APMAP: variants seen among roughly 807,000 people sequenced by gnomAD.
APMAP encodes adipocyte plasma membrane associated protein, also known as adipocyte plasma membrane-associated protein.
In APMAP, 33 loss-of-function variants were observed where a neutral mutation model predicts 43.6. That is an observed-to-expected ratio of 0.76 (90% confidence interval 0.57 to 1.01). The LOEUF is 1.01. Among genes scored for constraint, APMAP ranks in the 50% least tolerant of loss-of-function variants. The pLI, the probability that APMAP is intolerant of heterozygous loss-of-function variation, is 0.00. For missense variants in APMAP, 498 were observed against 540.7 expected (o/e 0.92, Z 0.78); for synonymous variants, 224 against 216.7 (o/e 1.03, Z -0.30).
In APMAP at chr20:24,974,388, T is replaced by C. The variant is rs376605660; in HGVS notation, c.329-651A>G. 32 of 152,168 alleles carry C rather than the reference T, an allele frequency of 2.1e-4. No individual in the cohort carries two copies. In the East Asian group the frequency reaches 5.2e-3, roughly 25 times the overall value. The allele number at this position is 152,168 out of a possible 1,614,324, so 9.4% of individuals were successfully genotyped here. On this transcript the variant is annotated intron_variant, in intron 3 of 8. Transcript: ENST00000217456. ...AAATGGAATCATATAAAATACTCAG[T>C]TTAAAACTACAAAAGACAAAAAGAG...
chr20:24,979,023 A>C (rs1221467432), intron 2 of APMAP, 141 bp from the exon 3 acceptor site: 2 of 645,488 alleles, frequency 3.1e-6, no homozygotes, highest in Non-Finnish European at 5.5e-6. Context: ...AAGGGTTAAG[A>C]AAAAACTGTT....
intron 3 of APMAP, among the ~76,000 whole-genome samples, chr20:24,974,463 A>G (rs373871501): frequency 5.9e-5 from 9 of 152,258 alleles, no homozygotes; most frequent in African/African-American, 2.2e-4. Context: ...AATAGAAAAC[A>G]GTAACAAATA....
At chr20:24,966,377 G>A (rs910891741) in intron 8 of APMAP, among the ~76,000 whole-genome samples, 3 of 152,134 alleles carry the variant, frequency 2.0e-5, no homozygotes, top group East Asian at 1.9e-4. Flanking sequence ...ACCTCTCTGC[G>A]AGCAACTCAG....
At chr20:24,985,794 A>G (rs1444773215) in intron 1 of APMAP, among the ~76,000 whole-genome samples, 1 of 152,100 alleles carries the variant, frequency 6.6e-6, no homozygotes, top group East Asian at 1.9e-4. Flanking sequence ...AAAAGACTCT[A>G]CTTGTGAGGT....
intron 2 of APMAP, among the ~76,000 whole-genome samples, chr20:24,981,418 T>C (rs962115710): frequency 6.6e-6 from 1 of 152,230 alleles, no homozygotes; most frequent in Non-Finnish European, 1.5e-5. Context: ...ACCCACAGAC[T>C]GCACAAAGGT....
intron 8 of APMAP, among the ~76,000 whole-genome samples, chr20:24,966,468 C>G (rs113556883): frequency 0.011 from 1,665 of 152,344 alleles, 21 homozygotes; most frequent in Non-Finnish European, 0.019. Flanking sequence ...GTTGCCACCA[C>G]CCCAACAGAG....
chr20:24,992,246 G>A (rs1173390415), intron 1 of APMAP, among the ~76,000 whole-genome samples: 2 of 152,206 alleles, frequency 1.3e-5, no homozygotes, highest in Admixed American at 6.5e-5. Context: ...AGCGCGAGGG[G>A]AGCGAGGGAA....
intron 4 of APMAP, among the ~76,000 whole-genome samples, chr20:24,972,714 A>G (rs1187873228): frequency 1.4e-5 from 2 of 145,418 alleles, no homozygotes; most frequent in Middle Eastern, 4.2e-3. Context: ...TGTTCACTAT[A>G]GGTGCTCACT....
intron 4 of APMAP, among the ~76,000 whole-genome samples, chr20:24,972,203 A>G (rs1259500715): frequency 1.5e-3 from 133 of 90,274 alleles, no homozygotes; most frequent in Middle Eastern, 0.023. Context: ...GTTCACTGTG[A>G]GGTACTCACT....
intron 2 of APMAP, 83 bp downstream of exon 2, chr20:24,983,820 A>G: frequency 1.0e-6 from 1 of 963,342 alleles, no homozygotes; most frequent in East Asian, 2.6e-5. Context: ...AGATTGATTT[A>G]ATCACCCTCC....
rs562951555 is a variant in APMAP at position 24,979,355 on chromosome 20, C to T, written c.213-473G>A. Among the ~76,000 whole-genome samples, 7 of 152,304 alleles carry T rather than the reference C, an allele frequency of 4.6e-5. No homozygotes were observed. The East Asian group carries it at 7.7e-4, about 17-fold the overall frequency. ...GAGACCTTCCTGGGACTGGAGCCAC[C>T]GTCCCATGGTCCAGCACAGGGCACG... On this transcript the variant is annotated intron_variant, in intron 2 of 8. Transcript: ENST00000217456.
At chr20:24,968,347 G>A (rs1371036118) in intron 8 of APMAP, among the ~76,000 whole-genome samples, 1 of 152,200 alleles carries the variant, frequency 6.6e-6, no homozygotes, top group Admixed American at 6.5e-5. Flanking sequence ...AGGTCAAAGG[G>A]CAGAACTCCA....
At chr20:24,991,641 C>T (rs1454426210) in intron 1 of APMAP, among the ~76,000 whole-genome samples, 1 of 152,178 alleles carries the variant, frequency 6.6e-6, no homozygotes, top group African/African-American at 2.4e-5. Context: ...CACCTCTTGG[C>T]ACACTACTGA....
At chr20:24,981,123 C>T (rs938576317) in intron 2 of APMAP, among the ~76,000 whole-genome samples, 2 of 152,238 alleles carry the variant, frequency 1.3e-5, no homozygotes, top group Non-Finnish European at 1.5e-5. Context: ...GGTTTCAGTA[C>T]TTGAGAACAA....
At chr20:24,987,060 T>C (rs1470307760) in intron 1 of APMAP, among the ~76,000 whole-genome samples, 1 of 152,252 alleles carries the variant, frequency 6.6e-6, no homozygotes, top group African/African-American at 2.4e-5. Context: ...TATCTGTACA[T>C]GGTTCCTTTT....
intron 1 of APMAP, among the ~76,000 whole-genome samples, chr20:24,988,692 G>A (rs781030422): frequency 2.5e-4 from 38 of 152,188 alleles, no homozygotes; most frequent in Non-Finnish European, 4.7e-4. Context: ...TGTTCCTCAT[G>A]TGCAGCTGGA....
At position 24,968,994 on chromosome 20, in the gene APMAP, A is replaced by G; in HGVS notation, c.939T>C (p.Ser313=). The G allele has an allele frequency of 6.2e-7, 1 of 1,614,042 alleles. No individual in the cohort carries two copies. The highest frequency in any genetic ancestry group is 8.5e-7 in the Non-Finnish European group (1 of 1,179,980). ...TCGACATGCCCACCCAGTACCCCCC[A>G]GAGCTGCTGGGCCGGATGTTGTCTG... ...GFPDNIRPSS[S]GGYWVGMSTI... The change falls in exon 8 of 9, where the codon TCT becomes TCC. Residue 313 remains serine, a synonymous_variant. Coordinates refer to ENST00000217456, the MANE Select transcript of APMAP (RefSeq NM_020531.3).
In APMAP at chr20:24,969,084, T is replaced by A. The variant is rs773996440; in HGVS notation, c.849A>T (p.Arg283Ser). 6.3e-7 allele frequency: 1 copy of A among 1,576,848 alleles called. No individual in the cohort carries two copies. Among genetic ancestry groups the A allele is most frequent in the Non-Finnish European group, 8.6e-7 (1 of 1,161,856 alleles). The change falls in exon 8 of 9, where the codon AGA becomes AGT. Residue 283 changes from arginine to serine, a missense_variant and splice_region_variant. Physicochemically the swap from Arg to Ser is moderately radical, Grantham distance 110 (BLOSUM62 -1). Transcript: ENST00000217456. ...CCTTCATCAGGCCAGAAACGTAGACTCTGAAAAATTCACCCAAGCAGAGAG... is the reference window on the plus strand; with the variant it reads ...CCTTCATCAGGCCAGAAACGTAGACACTGAAAAATTCACCCAAGCAGAGAG... The part of the protein sequence containing the change: ...VAETTMARIR[R>S]VYVSGLMKGG...
chr20:24,977,227 C>G (rs1213129668), intron 3 of APMAP, among the ~76,000 whole-genome samples: 1 of 152,172 alleles, frequency 6.6e-6, no homozygotes, highest in African/African-American at 2.4e-5. Context: ...ACAAACTTAC[C>G]CTTGTGGTGG....
Sources: allele counts gnomAD v4.1 joint callset (sites outside exome capture counted in the v4.1 genomes callset), GRCh38; gene constraint gnomAD v4.1.1; transcripts MANE v1.5; gene names NCBI Gene and HGNC (gene_info 2026-07-23, HGNC 2026-07-21).